ZNF532: variants seen among roughly 807,000 people sequenced by gnomAD.
The protein encoded by ZNF532 is zinc finger protein 532.
A neutral mutation model predicts 89.3 loss-of-function variants in ZNF532; 22 were observed. That is an observed-to-expected ratio of 0.25 (90% confidence interval 0.18 to 0.35). ZNF532 has a LOEUF of 0.35. Among genes scored for constraint, ZNF532 ranks in the 10% least tolerant of loss-of-function variants. The pLI, the probability that ZNF532 is intolerant of heterozygous loss-of-function variation, is 1.00. For synonymous variants in ZNF532, 606 were observed against 649.6 expected, an observed-to-expected ratio of 0.93 and a Z score of 1.02; for missense variants, 1,132 against 1,643.4, an observed-to-expected ratio of 0.69 and a Z score of 5.38.
intron 3 of ZNF532, among the ~76,000 whole-genome samples, chr18:58,927,333 C>T (rs1369868881): frequency 1.3e-5 from 2 of 151,302 alleles, no homozygotes; most frequent in South Asian, 2.1e-4. Flanking sequence ...GGGGTGGGGC[C>T]GTAGTGTTTT....
chr18:58,888,876 T>TAAAA (rs1348542840), intron 2 of ZNF532, among the ~76,000 whole-genome samples: 1,760 of 42,168 alleles, frequency 0.042, 142 homozygotes, highest in South Asian at 0.061. Context: ...ATAATATATA[T>TAAAA]TATATATATA....
rs1680519883 is a variant in ZNF532, at chr18:58,920,549, A to G, written c.2262A>G (p.Leu754=). ...EDPSKLCRHS[L]KCLECNEVFQ... ...CCTCCAAACTGTGTAGACATAGTCTAAAATGTTTGGAGTGTAATGAAGTCT... is the reference window on the plus strand; with the variant it reads ...CCTCCAAACTGTGTAGACATAGTCTGAAATGTTTGGAGTGTAATGAAGTCT... The change falls in exon 3 of 10, where the codon CTA becomes CTG. Residue 754 remains leucine (L), a synonymous_variant. Coordinates refer to ENST00000591808, the MANE Select transcript of ZNF532 (RefSeq NM_001375912.1). The G allele has an allele frequency of 6.2e-7, 1 of 1,613,588 alleles. No homozygotes were observed. The highest frequency in any genetic ancestry group is 1.3e-5 in the African/African-American group (1 of 74,928).
At chr18:58,944,738 C>CT (rs1005207015) in intron 5 of ZNF532, among the ~76,000 whole-genome samples, 1 of 152,130 alleles carries the variant, frequency 6.6e-6, no homozygotes, top group African/African-American at 2.4e-5. Context: ...CGTATTTGGA[C>CT]TTTAAAAAAA....
Position 58,920,140 on chromosome 18 carries a change from G to T in ZNF532, c.1853G>T (p.Cys618Phe). ...GITLPTRGYK[C>F]LECGDSFALE... ...ACGTTACCGACGCGTGGGTACAAGT[G>T]CTTGGAGTGTGGGGACTCCTTTGCA... Residue 618 changes from cysteine to phenylalanine, a missense_variant, in exon 3 of 10, where the codon TGC (cysteine) becomes TTC (phenylalanine). Around this residue, in one of 9 missense-constraint regions of ZNF532, gnomAD observed 70 missense variants for 152.1 expected, o/e 0.46. Coordinates refer to ENST00000591808, the MANE Select transcript of ZNF532 (RefSeq NM_001375912.1). 1 of 1,613,956 alleles carries T rather than the reference G, an allele frequency of 6.2e-7. No homozygotes were observed. Among genetic ancestry groups the T allele is most frequent in the Non-Finnish European group, 8.5e-7 (1 of 1,179,864 alleles).
At chr18:58,876,177 G>T (rs1025465903) in intron 2 of ZNF532, among the ~76,000 whole-genome samples, 1 of 151,862 alleles carries the variant, frequency 6.6e-6, no homozygotes, top group East Asian at 1.9e-4. Context: ...CTCGTGATCC[G>T]CCTGCCTCGG....
At chr18:58,947,020 C>T (rs1041257358) in intron 5 of ZNF532, among the ~76,000 whole-genome samples, 1 of 152,058 alleles carries the variant, frequency 6.6e-6, no homozygotes, top group African/African-American at 2.4e-5. Flanking sequence ...CAGGTAAAAC[C>T]TCAACTTCTC....
intron 3 of ZNF532, among the ~76,000 whole-genome samples, chr18:58,926,641 C>T (rs2061549615): frequency 6.6e-6 from 1 of 151,482 alleles, no homozygotes; most frequent in Non-Finnish European, 1.5e-5. Flanking sequence ...AGCCACTGTA[C>T]CCGGCCTTGT....
intron 5 of ZNF532, among the ~76,000 whole-genome samples, chr18:58,942,797 A>G (rs1383464695): frequency 1.3e-5 from 2 of 152,274 alleles, no homozygotes; most frequent in East Asian, 3.8e-4. Flanking sequence ...GTCCCAGCTC[A>G]GGCAGTGAAA....
At chr18:58,949,031 C>CTT (rs748660347) in intron 6 of ZNF532, among the ~76,000 whole-genome samples, 1 of 141,604 alleles carries the variant, frequency 7.1e-6, no homozygotes, top group Non-Finnish European at 1.6e-5. Context: ...CTTTTAGTTT[C>CTT]TTTTTTTTTT....
At chr18:58,972,811 A>C (rs1479982921) in intron 7 of ZNF532, among the ~76,000 whole-genome samples, 2 of 152,224 alleles carry the variant, frequency 1.3e-5, no homozygotes, top group Non-Finnish European at 2.9e-5. Flanking sequence ...TGTGTCCAGC[A>C]CTTTATCCTA....
chr18:58,965,083 T>C (rs1382778329), intron 7 of ZNF532, among the ~76,000 whole-genome samples: 2 of 151,892 alleles, frequency 1.3e-5, no homozygotes, highest in African/African-American at 4.8e-5. Context: ...TATGGTTTAC[T>C]ATATGTAGTT....
chr18:58,892,616 G>C (rs2145411395), intron 2 of ZNF532, among the ~76,000 whole-genome samples: 1 of 152,320 alleles, frequency 6.6e-6, no homozygotes, highest in East Asian at 1.9e-4. Context: ...GAATGAAAGA[G>C]GTACATTTGA....
chr18:58,954,419 T>G, intron 7 of ZNF532: 5 of 228,518 alleles, frequency 2.2e-5, no homozygotes, highest in Non-Finnish European at 3.6e-5. Flanking sequence ...TTCAGTATTA[T>G]CTAATACTGT....
At chr18:58,932,370 G>A (rs1383336144) in intron 3 of ZNF532, 1 of 152,144 alleles carries the variant, frequency 6.6e-6, no homozygotes, top group African/African-American at 2.4e-5. Context: ...TGATGAAAAT[G>A]TGCAAATTTT....
chr18:58,942,341 CCCTCCCTCCCTTCCTTCCTTCCTTCCTT>C (rs1202039193), intron 5 of ZNF532, among the ~76,000 whole-genome samples: 13 of 71,658 alleles, frequency 1.8e-4, no homozygotes, highest in East Asian at 9.8e-4. Context: ...CTCCCTCCCT[CCCTCCCTCCCTTCCTTCCTTCCTTCCTT>C]CCTTCCTTCC....
chr18:58,944,741 T>C (rs866748595), intron 5 of ZNF532, among the ~76,000 whole-genome samples: 2 of 150,412 alleles, frequency 1.3e-5, no homozygotes, highest in Non-Finnish European at 3.0e-5. Context: ...ATTTGGACTT[T>C]AAAAAAAAAA....
chr18:58,902,384 G>T (rs2059659678), intron 2 of ZNF532, among the ~76,000 whole-genome samples: 1 of 152,072 alleles, frequency 6.6e-6, no homozygotes, highest in Non-Finnish European at 1.5e-5. Context: ...TTGAGATAGG[G>T]TCTCCCTCTG....
chr18:58,915,450 G>A (rs1323083959), intron 2 of ZNF532, among the ~76,000 whole-genome samples: 1 of 152,228 alleles, frequency 6.6e-6, no homozygotes, highest in Non-Finnish European at 1.5e-5. Context: ...GGGACAGGGT[G>A]AGGCTGGATC....
intron 7 of ZNF532, among the ~76,000 whole-genome samples, chr18:58,971,305 T>C (rs1292446291): frequency 1.3e-5 from 2 of 152,230 alleles, no homozygotes; most frequent in African/African-American, 4.8e-5. Flanking sequence ...TTTCACTTTA[T>C]AGTTATGACT....
Sources: gnomAD v4.1 joint callset for allele counts (sites outside exome capture counted in the v4.1 genomes callset) on GRCh38, gnomAD v4.1.1 for gene constraint, gnomAD v4.1.1 regional missense constraint, MANE v1.5 for transcripts, NCBI Gene and HGNC (gene_info 2026-07-23, HGNC 2026-07-21) for gene names.